FERMT2: variants seen among roughly 807,000 people sequenced by gnomAD.
FERMT2 encodes fermitin family homolog 2.
Under a neutral mutation model 82.7 loss-of-function variants are expected in FERMT2, and 15 were observed. The ratio of observed to expected loss-of-function variants is 0.18; its 90% CI spans 0.12 to 0.28. The LOEUF (loss-of-function observed/expected upper bound fraction) is 0.28, where lower values mean the gene tolerates loss of function less well. FERMT2 is among the 10% of genes least tolerant of loss of function. FERMT2 has a pLI of 1.00. For synonymous variants in FERMT2, 274 were observed against 271.5 expected (o/e 1.01, Z -0.09); for missense variants, 645 against 809.4 (o/e 0.80, Z 2.46).
At chr14:52,913,731 C>T (rs1240055979) in intron 3 of FERMT2, among the ~76,000 whole-genome samples, 4 of 130,348 alleles carry the variant, frequency 3.1e-5, no homozygotes, top group African/African-American at 1.2e-4. Context: ...GACCAACCAC[C>T]CACTACAGAT....
intron 3 of FERMT2, among the ~76,000 whole-genome samples, chr14:52,913,880 G>A (rs1296329369): frequency 6.6e-6 from 1 of 152,098 alleles, no homozygotes. Flanking sequence ...GAGATTTGAT[G>A]ACAGGATGCC....
chr14:52,947,386 G>A (rs550310918), intron 2 of FERMT2, among the ~76,000 whole-genome samples: 2 of 152,328 alleles, frequency 1.3e-5, no homozygotes, highest in South Asian at 2.1e-4. Context: ...GGCTGAGGCA[G>A]GAGAATGGCG....
chr14:52,947,160 G>A (rs1261006947), intron 2 of FERMT2, among the ~76,000 whole-genome samples: 2 of 152,166 alleles, frequency 1.3e-5, no homozygotes, highest in Non-Finnish European at 2.9e-5. Flanking sequence ...AATAGCAAAT[G>A]ACAAATGTGT....
chr14:52,944,032 A>G (rs553733359), intron 2 of FERMT2, among the ~76,000 whole-genome samples: 2 of 152,320 alleles, frequency 1.3e-5, no homozygotes, highest in Non-Finnish European at 2.9e-5. Flanking sequence ...AACAAAAACA[A>G]AAGGCAGCAA....
chr14:52,859,120 T>C (rs182377588), intron 14 of FERMT2: 388 of 157,226 alleles, frequency 2.5e-3, no homozygotes, highest in Middle Eastern at 0.013. Flanking sequence ...AGCATCTGAG[T>C]TTGAAATGAT....
chr14:52,935,615 T>G (rs779107537), intron 2 of FERMT2, among the ~76,000 whole-genome samples: 4 of 152,168 alleles, frequency 2.6e-5, no homozygotes, highest in Non-Finnish European at 4.4e-5. Context: ...ATCCTGATCT[T>G]AGATCTGGCA....
At chr14:52,883,415 G>A (rs185535497) in intron 4 of FERMT2, among the ~76,000 whole-genome samples, 12 of 152,302 alleles carry the variant, frequency 7.9e-5, no homozygotes, top group Non-Finnish European at 1.8e-4. Flanking sequence ...GTTGGGCAAA[G>A]GGTATTTCTG....
At chr14:52,907,249 G>A (rs1888067415) in intron 3 of FERMT2, among the ~76,000 whole-genome samples, 1 of 152,118 alleles carries the variant, frequency 6.6e-6, no homozygotes, top group African/African-American at 2.4e-5. Flanking sequence ...CTGGGCTCAG[G>A]TGATCTTTGG....
intron 12 of FERMT2, chr14:52,861,003 G>A: frequency 6.6e-7 from 1 of 1,516,812 alleles, no homozygotes; most frequent in Non-Finnish European, 8.9e-7. Flanking sequence ...TGGTAAATAT[G>A]GAGAACTTAC....
chr14:52,911,696 A>G (rs1186562239), intron 3 of FERMT2, among the ~76,000 whole-genome samples: 1 of 152,016 alleles, frequency 6.6e-6, no homozygotes, highest in Non-Finnish European at 1.5e-5. Flanking sequence ...GAGTTTGCCA[A>G]CACAGTTTAA....
intron 4 of FERMT2, among the ~76,000 whole-genome samples, chr14:52,887,826 T>C (rs1886705060): frequency 6.6e-6 from 1 of 152,068 alleles, no homozygotes; most frequent in Admixed American, 6.6e-5. Context: ...TTAACTTTAG[T>C]TAAAAAAAGT....
chr14:52,881,338 T>C lies in FERMT2; in HGVS notation c.658A>G (p.Ile220Val), dbSNP rs531559889. Reference sequence around the variant, plus strand: ...GTGATTGGTTGACTGACAGCAAGTATACCAGGATTGCCTTCTGACAAAGCA... The same window carrying C: ...GTGATTGGTTGACTGACAGCAAGTACACCAGGATTGCCTTCTGACAAAGCA... ...DSALSEGNPG[I>V]LAVSQPITSP... Residue 220 changes from isoleucine (I) to valine (V), a missense_variant, in exon 5 of 15, where the codon ATA becomes GTA. Ile to Val is a conservative substitution (Grantham distance 29). Transcript: ENST00000341590. 37 of 1,614,082 alleles carry C rather than the reference T, an allele frequency of 2.3e-5. 1 individual carries two copies. In the South Asian group the frequency reaches 2.9e-4, roughly 12 times the overall value.
At chr14:52,923,601 C>T (rs930473814) in intron 2 of FERMT2, among the ~76,000 whole-genome samples, 6 of 151,846 alleles carry the variant, frequency 4.0e-5, no homozygotes, top group African/African-American at 1.5e-4. Flanking sequence ...AATTCCACCT[C>T]AGTTTCTCAT....
chr14:52,859,607 A>G lies in FERMT2; in HGVS notation c.1835T>C (p.Met612Thr). The change falls in exon 14 of 15, where the codon ATG becomes ACG. Residue 612 changes from methionine to threonine, a missense_variant. Physicochemically the swap from Met to Thr is moderately conservative, Grantham distance 81. Transcript: ENST00000341590. ...DAIKTWRFSN[M>T]KQWNVNWEIK... ...TTCCCAGTTGACATTCCACTGTTTCATGTTGCTGAAACGCCATGTTTTAAT... is the reference window on the plus strand; with the variant it reads ...TTCCCAGTTGACATTCCACTGTTTCGTGTTGCTGAAACGCCATGTTTTAAT... 1 of 1,611,148 alleles carries G rather than the reference A, an allele frequency of 6.2e-7. No homozygotes were observed. Among genetic ancestry groups the G allele is most frequent in the Non-Finnish European group, 8.5e-7 (1 of 1,178,348 alleles).
chr14:52,887,688 A>G (rs1223989631), intron 4 of FERMT2, among the ~76,000 whole-genome samples: 2 of 151,980 alleles, frequency 1.3e-5, no homozygotes, highest in African/African-American at 4.8e-5. Flanking sequence ...TGGTTACTTA[A>G]TGGTTAGAAG....
At chr14:52,924,451 C>T (rs928551741) in intron 2 of FERMT2, among the ~76,000 whole-genome samples, 19 of 152,076 alleles carry the variant, frequency 1.2e-4, no homozygotes, top group Non-Finnish European at 2.5e-4. Context: ...TACTCCACCA[C>T]CTTGGTGACA....
chr14:52,928,928 G>C (rs1274697770), intron 2 of FERMT2, among the ~76,000 whole-genome samples: 3 of 152,022 alleles, frequency 2.0e-5, no homozygotes, highest in African/African-American at 7.3e-5. Context: ...CATCTTCTAG[G>C]AACCGTGTGC....
rs556645002 is a variant in FERMT2 at position 52,906,032 on chromosome 14, C to T, written c.392-12605G>A. 2.0e-5 allele frequency among the ~76,000 whole-genome samples: 3 copies of T among 152,188 alleles called. No homozygotes were observed. In the East Asian group the frequency reaches 5.8e-4, roughly 29 times the overall value. ...AAAAGAAACACTTTCAGACATTAGGCAACAAGATGCACGAAATAAAGACCA... is the reference window on the plus strand; with the variant it reads ...AAAAGAAACACTTTCAGACATTAGGTAACAAGATGCACGAAATAAAGACCA... On this transcript the variant is annotated intron_variant, in intron 3 of 14. Transcript: ENST00000341590.
At position 52,949,895 on chromosome 14, in the gene FERMT2, T is replaced by A. The variant is rs540521387; in HGVS notation, c.157+517A>T. On this transcript the variant is annotated intron_variant, in intron 2 of 14. Transcript: ENST00000341590. Reference sequence around the variant, plus strand: ...CTAGTAAGAGTGGATGACTGGAACATTTTAATGCACTCCACCACGTAGAAC... The same window carrying A: ...CTAGTAAGAGTGGATGACTGGAACAATTTAATGCACTCCACCACGTAGAAC... Among the ~76,000 whole-genome samples, 11 of 152,318 alleles carry A rather than the reference T, an allele frequency of 7.2e-5. No homozygotes were observed. In the East Asian group the frequency reaches 1.7e-3, roughly 24 times the overall value.
Sources: allele counts gnomAD v4.1 joint callset (sites outside exome capture counted in the v4.1 genomes callset), GRCh38; gene constraint gnomAD v4.1.1; transcripts MANE v1.5; gene names NCBI Gene and HGNC (gene_info 2026-07-23, HGNC 2026-07-21).